YBX1: variants seen among roughly 807,000 people sequenced by gnomAD.
YBX1 encodes the protein Y-box binding protein 1, also known as Y-box-binding protein 1.
In YBX1, 3 loss-of-function variants were observed where a neutral mutation model predicts 41.4. The observed-to-expected ratio is 0.07, with a 90% confidence interval of 0.03 to 0.19. The LOEUF is 0.19. YBX1 is among the 10% of genes least tolerant of loss of function. The probability of loss-of-function intolerance (pLI) is 1.00; values close to 1 mark genes in which losing one functional copy is unlikely to be tolerated. For missense variants in YBX1, 274 were observed against 462.8 expected (o/e 0.59, Z 3.74); for synonymous variants, 133 against 165.8 (o/e 0.80, Z 1.52).
intron 2 of YBX1, among the ~76,000 whole-genome samples, chr1:42,684,351 G>A (rs563804929): frequency 2.6e-5 from 4 of 152,368 alleles, no homozygotes; most frequent in South Asian, 4.1e-4. Context: ...AGTAGTGCTA[G>A]TTACATGGGT....
intron 2 of YBX1, among the ~76,000 whole-genome samples, chr1:42,684,927 A>G (rs911209898): frequency 2.0e-5 from 3 of 152,170 alleles, no homozygotes; most frequent in African/African-American, 7.2e-5. Context: ...GTGTGATGTA[A>G]GTGGTGAGTT....
Position 42,696,344 on chromosome 1 carries a change from C to T in YBX1, c.354+56C>T. 1 of 1,566,328 alleles carries T rather than the reference C, an allele frequency of 6.4e-7. No homozygotes were observed. Among genetic ancestry groups the T allele is most frequent in the Non-Finnish European group, 8.7e-7 (1 of 1,143,356 alleles). Reference sequence around the variant, plus strand: ...TTCAGTATGGAAATATTTTGGAGGTCTCATCCATTAGGATGGTGGCTCTAA... The same window carrying T: ...TTCAGTATGGAAATATTTTGGAGGTTTCATCCATTAGGATGGTGGCTCTAA... On this transcript the variant is annotated intron_variant, in intron 4 of 7. Transcript: ENST00000321358. The surrounding 1 kb of genome is among the most constrained non-coding windows in gnomAD (Gnocchi z 5.7).
rs1385102104 is a variant in YBX1, at chr1:42,702,933, CTT to C, written c.*987_*988del. ...AAATCCTAAGCCTAGTCTGGCTGATCTTTTCTCTTTTTGAGACGGAGTCTTGT... is the reference window on the plus strand; with the variant it reads ...AAATCCTAAGCCTAGTCTGGCTGATCTTCTCTTTTTGAGACGGAGTCTTGT... On this transcript the variant is annotated 3_prime_UTR_variant, in exon 8 of 8. Coordinates refer to ENST00000321358, the MANE Select transcript of YBX1 (RefSeq NM_004559.5). Among the ~76,000 whole-genome samples the C allele has an allele frequency of 6.6e-6, 1 of 152,120 alleles. No individual in the cohort carries two copies. The highest frequency in any genetic ancestry group is 2.4e-5 in the African/African-American group (1 of 41,432).
chr1:42,697,779 A>G (rs1300059038), intron 6 of YBX1, among the ~76,000 whole-genome samples: 5 of 152,172 alleles, frequency 3.3e-5, no homozygotes, highest in African/African-American at 7.2e-5. Flanking sequence ...TTAGACAACT[A>G]TCTACTTGAG....
chr1:42,698,986 A>G (rs1322858679), intron 6 of YBX1, among the ~76,000 whole-genome samples: 2 of 152,326 alleles, frequency 1.3e-5, no homozygotes, highest in East Asian at 3.9e-4. Context: ...ATCTTAAGAC[A>G]GAGTATAGTA....
intron 3 of YBX1, among the ~76,000 whole-genome samples, chr1:42,694,687 G>A (rs1035103745): frequency 4.6e-5 from 7 of 152,156 alleles, no homozygotes; most frequent in Admixed American, 1.3e-4. Flanking sequence ...GTAGTTCAGG[G>A]TCAAATGTAA....
Position 42,696,574 on chromosome 1 carries a change from T to G in YBX1, c.355-68T>G. ...TTGCTTTGTTTGAAAATGTTCTGATTTCCTTTTGAAAGTGTTGAAAGTGTT... is the reference window on the plus strand; with the variant it reads ...TTGCTTTGTTTGAAAATGTTCTGATGTCCTTTTGAAAGTGTTGAAAGTGTT... On this transcript the variant is annotated intron_variant, in intron 4 of 7. Transcript: ENST00000321358. The surrounding 1 kb of genome is among the most constrained non-coding windows in gnomAD (Gnocchi z 5.7). 1 of 1,297,828 alleles carries G rather than the reference T, an allele frequency of 7.7e-7. No homozygotes were observed. Among genetic ancestry groups the G allele is most frequent in the Non-Finnish European group, 1.0e-6 (1 of 994,526 alleles). 80.4% of individuals were successfully genotyped at this position (1,297,828 alleles called of 1,614,324 possible). A position where few individuals can be genotyped will look rare whatever the true frequency, so the allele number is the denominator to read the frequency against.
At position 42,702,185 on chromosome 1, in the gene YBX1, C is replaced by G. The variant is rs1442816647; in HGVS notation, c.*236C>G. 1 of 152,626 alleles carries G rather than the reference C, an allele frequency of 6.6e-6. No individual in the cohort carries two copies. The highest frequency in any genetic ancestry group is 1.5e-5 in the Non-Finnish European group (1 of 68,032). 9.5% of individuals were successfully genotyped at this position (152,626 alleles called of 1,614,324 possible). A position where few individuals can be genotyped will look rare whatever the true frequency, so the allele number is the denominator to read the frequency against. On this transcript the variant is annotated 3_prime_UTR_variant, in exon 8 of 8. Transcript: ENST00000321358. ...TAACAAACGTGTTTTTTAAAAAAGC[C>G]TGGTTTTTCTCAATACGCCTTTAAA...
At chr1:42,687,437 C>T (rs1650223174) in intron 2 of YBX1, among the ~76,000 whole-genome samples, 1 of 152,122 alleles carries the variant, frequency 6.6e-6, no homozygotes, top group Non-Finnish European at 1.5e-5. Flanking sequence ...GCGCCCGCCA[C>T]CACACAGGCT....
chr1:42,692,747 A>AT (rs1650369905), intron 2 of YBX1, among the ~76,000 whole-genome samples: 1 of 152,334 alleles, frequency 6.6e-6, no homozygotes, highest in South Asian at 2.1e-4. Context: ...TCCAGTGGTG[A>AT]TTCTTGCTCC....
At chr1:42,683,329 G>A (rs1181321073) in intron 1 of YBX1, 74 bp from the exon 2 acceptor site, 2 of 1,582,810 alleles carry the variant, frequency 1.3e-6, no homozygotes, top group Non-Finnish European at 1.7e-6. Context: ...CGAGGGACCG[G>A]ATGCCCAAGC....
intron 2 of YBX1, among the ~76,000 whole-genome samples, chr1:42,686,153 A>C (rs1230666438): frequency 6.6e-6 from 1 of 152,230 alleles, no homozygotes; most frequent in Admixed American, 6.5e-5. Context: ...GCAACAGTTT[A>C]TAGTGACCAG....
At position 42,700,815 on chromosome 1, in the gene YBX1, G is replaced by A. The variant is rs1157575515; in HGVS notation, c.775G>A (p.Gly259Ser). 15 of 1,611,964 alleles carry A rather than the reference G, an allele frequency of 9.3e-6. No individual in the cohort carries two copies. The highest frequency in any genetic ancestry group is 2.7e-5 in the African/African-American group (2 of 74,790). ...PPRQRQPREDGNEEDKENQGD... is the reference protein window; with the variant it reads ...PPRQRQPREDSNEEDKENQGD... ...TCGCCAAAGACAGCCTAGAGAGGAC[G>A]GCAATGAAGAAGATAAAGAAAATCA... Residue 259 changes from glycine to serine, a missense_variant, in exon 7 of 8, where the codon GGC becomes AGC. Coordinates refer to ENST00000321358, the MANE Select transcript of YBX1 (RefSeq NM_004559.5).
intron 6 of YBX1, among the ~76,000 whole-genome samples, chr1:42,698,564 T>A (rs975428904): frequency 6.6e-6 from 1 of 152,196 alleles, no homozygotes; most frequent in Non-Finnish European, 1.5e-5. Flanking sequence ...CTTAAATGTT[T>A]TGCCTAGTTT....
intron 3 of YBX1, among the ~76,000 whole-genome samples, chr1:42,695,024 A>G (rs960376207): frequency 1.2e-4 from 19 of 152,340 alleles, no homozygotes; most frequent in Admixed American, 4.6e-4. Flanking sequence ...ATAGTTGGCT[A>G]TATCTGAAAG....
chr1:42,689,251 G>A (rs1650271843), intron 2 of YBX1, among the ~76,000 whole-genome samples: 1 of 152,000 alleles, frequency 6.6e-6, no homozygotes, highest in African/African-American at 2.4e-5. Context: ...GTGTTTAATA[G>A]AGAAGAAATA....
At chr1:42,689,369 A>G (rs1182293736) in intron 2 of YBX1, among the ~76,000 whole-genome samples, 3 of 152,228 alleles carry the variant, frequency 2.0e-5, no homozygotes, top group Non-Finnish European at 4.4e-5. Flanking sequence ...TGGAGTTTTT[A>G]TAACCACAGG....
At chr1:42,701,182 T>G in intron 7 of YBX1, 136 bp downstream of exon 7, 2 of 673,380 alleles carry the variant, frequency 3.0e-6, no homozygotes, top group South Asian at 2.1e-5. Context: ...TTCTGCCCTA[T>G]TCTTAATTAC....
chr1:42,683,318 G>T, intron 1 of YBX1, 85 bp from the exon 2 acceptor site: 1 of 1,547,414 alleles, frequency 6.5e-7, no homozygotes, highest in Non-Finnish European at 8.9e-7. Flanking sequence ...CGGCCGGCGT[G>T]CGAGGGACCG....
Sources: gnomAD v4.1 joint callset for allele counts (sites outside exome capture counted in the v4.1 genomes callset) on GRCh38, gnomAD v4.1.1 for gene constraint, Gnocchi (gnomAD v3.1) non-coding constraint, MANE v1.5 for transcripts, NCBI Gene and HGNC (gene_info 2026-07-23, HGNC 2026-07-21) for gene names.